The following EPS15L1 variants were observed in gnomAD, a reference collection of about 807,000 sequenced individuals.
EPS15L1 encodes the protein epidermal growth factor receptor substrate 15-like 1.
A neutral mutation model predicts 117.1 loss-of-function variants in EPS15L1; 43 were observed. That is an observed-to-expected ratio of 0.37 (90% CI 0.29 to 0.47). The LOEUF (loss-of-function observed/expected upper bound fraction) is 0.47. Ranked by LOEUF, EPS15L1 falls within the 20% of genes least tolerant of loss-of-function variation. EPS15L1 has a pLI of 0.99. For synonymous variants in EPS15L1, 459 were observed against 470.5 expected, an observed-to-expected ratio of 0.98 and a Z score of 0.32; for missense variants, 981 against 1,164.0, an observed-to-expected ratio of 0.84 and a Z score of 2.29.
rs374928439 is a variant in EPS15L1, at chr19:16,385,113, C to T, written c.2247+16G>A. On this transcript the variant is annotated intron_variant, in intron 21 of 23. Transcript: ENST00000455140. ...GACACTAGCAGAGGCGCGGGGGCTC[C>T]GTGGAGGGGCTTTACCTTGGACATC... is the stretch of plus-strand genomic sequence containing the variant. 98 of 1,610,598 alleles carry T rather than the reference C, an allele frequency of 6.1e-5. No individual in the cohort carries two copies. Among genetic ancestry groups the T allele is most frequent in the South Asian group, 2.9e-4 (26 of 91,022 alleles).
chr19:16,388,553 C>T (rs2092445231), intron 19 of EPS15L1, among the ~76,000 whole-genome samples: 1 of 152,142 alleles, frequency 6.6e-6, no homozygotes, highest in Admixed American at 6.5e-5. Flanking sequence ...CTCCACCGGG[C>T]ACGGTGGCTC....
chr19:16,362,539 T>C (rs972257442), intron 22 of EPS15L1, among the ~76,000 whole-genome samples: 20 of 139,726 alleles, frequency 1.4e-4, no homozygotes, highest in South Asian at 9.4e-4. Flanking sequence ...TTTTTTTTTT[T>C]CAGAGACAGA....
At chr19:16,384,605 C>G (rs1343388818) in intron 21 of EPS15L1, among the ~76,000 whole-genome samples, 2 of 152,190 alleles carry the variant, frequency 1.3e-5, no homozygotes, top group Non-Finnish European at 2.9e-5. Flanking sequence ...ACCAACGGGT[C>G]CAGTCTGGTA....
chr19:16,438,968 G>A (rs546446064), intron 4 of EPS15L1, among the ~76,000 whole-genome samples: 24 of 152,134 alleles, frequency 1.6e-4, no homozygotes, highest in African/African-American at 4.1e-4. Context: ...ACCTAGACAC[G>A]GGAAGGAAGT....
chr19:16,373,106 T>C (rs1333098069), intron 22 of EPS15L1, among the ~76,000 whole-genome samples: 1 of 152,244 alleles, frequency 6.6e-6, no homozygotes, highest in East Asian at 1.9e-4. Context: ...CATTGTGATT[T>C]CCATGAGTGC....
chr19:16,468,814 C>G (rs2093325143), intron 1 of EPS15L1, among the ~76,000 whole-genome samples: 1 of 152,112 alleles, frequency 6.6e-6, no homozygotes, highest in Non-Finnish European at 1.5e-5. Flanking sequence ...GGGTTTAAGA[C>G]CTGCCTAGGC....
intron 1 of EPS15L1, chr19:16,443,469 G>A (rs998379692): frequency 1.3e-5 from 2 of 152,260 alleles, no homozygotes; most frequent in Non-Finnish European, 2.9e-5. Context: ...AGTACTTTGT[G>A]AGGCCAAGGC....
At chr19:16,400,368 A>C (rs568593673) in intron 16 of EPS15L1, among the ~76,000 whole-genome samples, 11 of 151,920 alleles carry the variant, frequency 7.2e-5, no homozygotes, top group East Asian at 1.9e-4. Flanking sequence ...AAAAAAAAAA[A>C]AAACCCCTGA....
intron 1 of EPS15L1, among the ~76,000 whole-genome samples, chr19:16,464,455 G>A (rs1318855780): frequency 3.3e-5 from 5 of 152,154 alleles, no homozygotes; most frequent in Admixed American, 1.3e-4. Context: ...CTGTCAGTTC[G>A]GCCGATTTGT....
In EPS15L1 at chr19:16,381,053, C is replaced by T. The variant is rs867279563; in HGVS notation, c.2248-3799G>A. ...CCCCCGATAAGGGCAGTGGCAGGTG[C>T]CCCCAGGGAGGGGAAGGGGCCCCAA... On this transcript the variant is annotated intron_variant, in intron 21 of 23. Coordinates refer to ENST00000455140, the MANE Select transcript of EPS15L1 (RefSeq NM_001258374.3). The surrounding 1 kb of genome is among the most constrained non-coding windows in gnomAD (Gnocchi z 4.2). Among the ~76,000 whole-genome samples, 4 of 152,228 alleles carry T rather than the reference C, an allele frequency of 2.6e-5. No individual in the cohort carries two copies. The highest frequency in any genetic ancestry group is 7.2e-5 in the African/African-American group (3 of 41,464).
intron 4 of EPS15L1, among the ~76,000 whole-genome samples, chr19:16,438,091 G>C (rs1013121413): frequency 6.6e-6 from 1 of 152,180 alleles, no homozygotes; most frequent in Admixed American, 6.5e-5. Context: ...GGTGGCTCAT[G>C]TCTGTAATCC....
intron 7 of EPS15L1, among the ~76,000 whole-genome samples, chr19:16,432,603 T>C (rs2145020303): frequency 6.6e-6 from 1 of 150,426 alleles, no homozygotes; most frequent in African/African-American, 2.4e-5. Flanking sequence ...CAAATACAAA[T>C]ACAAATACAA....
In EPS15L1 at chr19:16,370,314, G is replaced by A. The variant is rs1456073297; in HGVS notation, c.2380+6808C>T. Reference sequence around the variant, plus strand: ...AAAGATGAGGGGCCATGTTCACCCCGCCAGAAAAGCAGGGAGGCGGTGCCC... The same window carrying A: ...AAAGATGAGGGGCCATGTTCACCCCACCAGAAAAGCAGGGAGGCGGTGCCC... On this transcript the variant is annotated intron_variant, in intron 22 of 23. Coordinates refer to ENST00000455140, the MANE Select transcript of EPS15L1 (RefSeq NM_001258374.3). This position sits in a 1 kb window ranked among gnomAD's most constrained non-coding sequence, Gnocchi z 5.2. Among the ~76,000 whole-genome samples the A allele has an allele frequency of 6.6e-6, 1 of 152,120 alleles. No individual in the cohort carries two copies. Among genetic ancestry groups the A allele is most frequent in the Non-Finnish European group, 1.5e-5 (1 of 68,014 alleles).
At chr19:16,440,947 G>A (rs1226524421) in intron 3 of EPS15L1, 38 bp from the exon 4 acceptor site, 39 of 1,606,772 alleles carry the variant, frequency 2.4e-5, no homozygotes, top group Middle Eastern at 1.6e-4. Context: ...CATGACTGCC[G>A]ATCACTGTCC....
At chr19:16,369,693 G>C (rs2092192805) in intron 22 of EPS15L1, among the ~76,000 whole-genome samples, 1 of 151,910 alleles carries the variant, frequency 6.6e-6, no homozygotes, top group Non-Finnish European at 1.5e-5. Context: ...GTGTGTGTGT[G>C]TGTGTGTGTG....
Position 16,434,422 on chromosome 19 carries a change from T to C in EPS15L1, c.441A>G (p.Gly147=), listed in dbSNP as rs751572012. 1.2e-6 allele frequency: 2 copies of C among 1,614,190 alleles called. No individual in the cohort carries two copies. The highest frequency in any genetic ancestry group is 2.2e-5 in the South Asian group (2 of 91,082). The change falls in exon 7 of 24, where the codon GGA becomes GGG. Residue 147 remains glycine (G), a synonymous_variant. Transcript: ENST00000455140. ...TCATGAGGACTGGCTTGACTTTGTC[T>C]CCAGAGAGCAAACCATTGATGGGCA... ...SLLPINGLLS[G]DKVKPVLMNS...
intron 1 of EPS15L1, among the ~76,000 whole-genome samples, chr19:16,462,408 C>G (rs767367384): frequency 1.3e-5 from 2 of 152,144 alleles, no homozygotes; most frequent in African/African-American, 4.8e-5. Context: ...CACCTGTAAT[C>G]CCAGCACTTT....
chr19:16,359,877 C>T (rs1233053486), intron 23 of EPS15L1, among the ~76,000 whole-genome samples: 1 of 150,444 alleles, frequency 6.6e-6, no homozygotes, highest in Non-Finnish European at 1.5e-5. Context: ...ATGTAAAAAC[C>T]AAAAACTTAG....
intron 1 of EPS15L1, among the ~76,000 whole-genome samples, chr19:16,463,388 C>G (rs534131861): frequency 6.6e-6 from 1 of 152,144 alleles, no homozygotes; most frequent in Non-Finnish European, 1.5e-5. Flanking sequence ...TCCTTTCACC[C>G]CCAGCCCTTT....
Sources: gnomAD v4.1 joint callset for allele counts (sites outside exome capture counted in the v4.1 genomes callset) on GRCh38, gnomAD v4.1.1 for gene constraint, Gnocchi (gnomAD v3.1) non-coding constraint, MANE v1.5 for transcripts, NCBI Gene and HGNC (gene_info 2026-07-23, HGNC 2026-07-21) for gene names.